The following BCAP29 variants were observed in gnomAD, a reference collection of about 807,000 sequenced individuals.
BCAP29 encodes the protein B cell receptor associated protein 29, also known as B-cell receptor-associated protein 29.
A neutral mutation model predicts 31.8 loss-of-function variants in BCAP29; 34 were observed. The ratio of observed to expected loss-of-function variants is 1.07; its 90% CI spans 0.81 to 1.42. The LOEUF (loss-of-function observed/expected upper bound fraction) is 1.42, where lower values mean the gene tolerates loss of function less well. BCAP29 is among the 40% of genes most tolerant of loss of function. BCAP29 has a pLI of 0.00. For missense variants in BCAP29, 314 were observed against 269.2 expected, an observed-to-expected ratio of 1.17 and a Z score of -1.16; for synonymous variants, 104 against 91.3, an observed-to-expected ratio of 1.14 and a Z score of -0.79.
downstream of BCAP29, chr7:107,623,054 C>T (rs1009841369): frequency 1.3e-5 from 2 of 151,978 alleles, no homozygotes; most frequent in African/African-American, 4.8e-5. Context: ...TTCCTCTGTC[C>T]TGCTGCTTGA....
chr7:107,588,593 C>T (rs913949483), intron 3 of BCAP29, among the ~76,000 whole-genome samples: 18 of 152,166 alleles, frequency 1.2e-4, no homozygotes, highest in Admixed American at 3.9e-4. Flanking sequence ...AGAGGGACGT[C>T]AACCCTTAAA....
chr7:107,582,163 A>C (rs1468375709), intron 2 of BCAP29, among the ~76,000 whole-genome samples: 1 of 152,260 alleles, frequency 6.6e-6, no homozygotes, highest in East Asian at 1.9e-4. Flanking sequence ...TTTATAGATA[A>C]GGCTTAAGGG....
intron 6 of BCAP29, among the ~76,000 whole-genome samples, chr7:107,604,924 A>G (rs546114265): frequency 1.3e-5 from 2 of 152,188 alleles, no homozygotes; most frequent in Admixed American, 1.3e-4. Context: ...AAAACTCATG[A>G]CCAATCCTTT....
rs117240387 is a variant in BCAP29 at position 107,605,576 on chromosome 7, C to G, written c.589+5071C>G. Among the ~76,000 whole-genome samples, 466 of 152,268 alleles carry G rather than the reference C, an allele frequency of 3.1e-3. 1 individual carries two copies. Among genetic ancestry groups the G allele is most frequent in the Non-Finnish European group, 5.5e-3 (373 of 68,016 alleles). ...AAATGAGTGAAATGATACTACTGTT[C>G]TGAGTGAGAAGAGCAAAGCAAAAAG... On this transcript the variant is annotated intron_variant, in intron 6 of 7. Transcript: ENST00000005259.
chr7:107,618,503 G>A lies in BCAP29; in HGVS notation c.*140G>A, dbSNP rs1277473429. 3.1e-6 allele frequency: 5 copies of A among 1,611,146 alleles called. No homozygotes were observed. Among genetic ancestry groups the A allele is most frequent in the Non-Finnish European group, 4.2e-6 (5 of 1,177,990 alleles). Reference sequence around the variant, plus strand: ...TGCCACACATAGGTTGTATTGTAATGGCATTATCAAAATATTTGATGATGT... The same window carrying A: ...TGCCACACATAGGTTGTATTGTAATAGCATTATCAAAATATTTGATGATGT... On this transcript the variant is annotated 3_prime_UTR_variant, in exon 8 of 8. Coordinates refer to ENST00000005259, the MANE Select transcript of BCAP29 (RefSeq NM_018844.4).
intron 3 of BCAP29, chr7:107,587,739 A>G (rs1183510208): frequency 1.3e-5 from 2 of 152,170 alleles, no homozygotes; most frequent in Non-Finnish European, 2.9e-5. Flanking sequence ...GATTTACCAA[A>G]TGAACACCAG....
At chr7:107,604,737 AG>A (rs1429952336) in intron 6 of BCAP29, among the ~76,000 whole-genome samples, 2 of 150,936 alleles carry the variant, frequency 1.3e-5, no homozygotes, top group African/African-American at 4.9e-5. Context: ...GATTTAAATA[AG>A]AAAAAAACAT....
chr7:107,621,788 C>A (rs1206286544), downstream of BCAP29: 1 of 480,522 alleles, frequency 2.1e-6, no homozygotes, highest in South Asian at 1.5e-5. Context: ...CCAGCAGGAG[C>A]ATGGCCCTAC....
In BCAP29 at chr7:107,618,379, C is replaced by A. The variant is rs759912941; in HGVS notation, c.*16C>A. The A allele has an allele frequency of 5.6e-6, 9 of 1,608,884 alleles. No homozygotes were observed. The Admixed American group carries it at 1.2e-4, about 21-fold the overall frequency. On this transcript the variant is annotated 3_prime_UTR_variant, in exon 8 of 8. Coordinates refer to ENST00000005259, the MANE Select transcript of BCAP29 (RefSeq NM_018844.4). Reference sequence around the variant, plus strand: ...AAGACTGTGAACTTTATAAAAGACACTTGCAATATACTGTGTCAAAATGAT... The same window carrying A: ...AAGACTGTGAACTTTATAAAAGACAATTGCAATATACTGTGTCAAAATGAT...
chr7:107,607,881 G>T (rs893493207), intron 6 of BCAP29, among the ~76,000 whole-genome samples: 1 of 151,878 alleles, frequency 6.6e-6, no homozygotes. Flanking sequence ...CTGGTGGTCC[G>T]CCTGCCTCGG....
At chr7:107,605,065 T>C (rs1811840154) in intron 6 of BCAP29, among the ~76,000 whole-genome samples, 1 of 152,212 alleles carries the variant, frequency 6.6e-6, no homozygotes, top group African/African-American at 2.4e-5. Flanking sequence ...GACTAATATA[T>C]AATGATGATA....
intron 2 of BCAP29, among the ~76,000 whole-genome samples, chr7:107,581,160 T>C (rs755305037): frequency 6.6e-6 from 1 of 152,246 alleles, no homozygotes; most frequent in East Asian, 1.9e-4. Flanking sequence ...CTGCCTTGTC[T>C]CAGGTTTTAC....
In BCAP29 at chr7:107,581,741, AG is replaced by A. The variant is rs1012882231; in HGVS notation, c.92+878del. On this transcript the variant is annotated intron_variant, in intron 2 of 7. Transcript: ENST00000005259. ...AAAGTTTCACCTTAGCTCAGGGTCC[AG>A]ATAGTCTTTCACAACTCCTAACTTG... Among the ~76,000 whole-genome samples the A allele has an allele frequency of 4.6e-5, 7 of 152,338 alleles. No individual in the cohort carries two copies. The South Asian group carries it at 1.2e-3, about 27-fold the overall frequency.
chr7:107,602,991 G>C (rs1439205654), intron 6 of BCAP29, among the ~76,000 whole-genome samples: 14 of 92,584 alleles, frequency 1.5e-4, no homozygotes, highest in Non-Finnish European at 1.7e-4. Flanking sequence ...TTTTTTTTGA[G>C]ATGAAGTCTC....
At chr7:107,602,964 C>CTTTTTTTTTTTTTTT (rs34887499) in intron 6 of BCAP29, among the ~76,000 whole-genome samples, 1 of 68,288 alleles carries the variant, frequency 1.5e-5, no homozygotes, top group Non-Finnish European at 2.5e-5. Flanking sequence ...TTCTTTTATT[C>CTTTTTTTTTTTTTTT]TTTTTTTTTT....
intron 6 of BCAP29, among the ~76,000 whole-genome samples, chr7:107,611,987 A>G (rs1473085320): frequency 6.6e-6 from 1 of 152,200 alleles, no homozygotes; most frequent in Non-Finnish European, 1.5e-5. Flanking sequence ...TATGTAGAAC[A>G]TTTGACAATA....
intron 3 of BCAP29, among the ~76,000 whole-genome samples, chr7:107,592,101 T>C (rs1171824168): frequency 6.6e-6 from 1 of 152,116 alleles, no homozygotes; most frequent in Non-Finnish European, 1.5e-5. Flanking sequence ...TGTGAGAACT[T>C]TCTAGAAAAC....
rs924671499 is a variant in BCAP29, at chr7:107,591,641, T to TACACACACACACACACATAC, written c.194-2298_194-2297insATACACACACACACACACAC. Among the ~76,000 whole-genome samples the TACACACACACACACACATAC allele has an allele frequency of 4.9e-3, 205 of 41,828 alleles. 9 individuals carry two copies. Among genetic ancestry groups the TACACACACACACACACATAC allele is most frequent in the African/African-American group, 8.8e-3 (168 of 19,176 alleles). The allele number at this position is 41,828 out of a possible 152,430, so 27.4% of individuals were successfully genotyped here. ...TGTACCACTTTTCCCCATACACACA[T>TACACACACACACACACATAC]ACACACACACACACACCCTATTGGT... On this transcript the variant is annotated intron_variant, in intron 3 of 7. Coordinates refer to ENST00000005259, the MANE Select transcript of BCAP29 (RefSeq NM_018844.4).
chr7:107,621,290 T>C (rs1814948847), downstream of BCAP29: 1 of 196,546 alleles, frequency 5.1e-6, no homozygotes, highest in Admixed American at 5.6e-5. Flanking sequence ...TGTTTTTTCA[T>C]CCCTTTCTTA....
Sources: gnomAD v4.1 joint callset for allele counts (sites outside exome capture counted in the v4.1 genomes callset) on GRCh38, gnomAD v4.1.1 for gene constraint, MANE v1.5 for transcripts, NCBI Gene and HGNC (gene_info 2026-07-23, HGNC 2026-07-21) for gene names.